The following ARNT variants were observed in gnomAD, a reference collection of about 807,000 sequenced individuals.
ARNT encodes the protein class E basic helix-loop-helix protein 2.
Under a neutral mutation model 105.0 loss-of-function variants are expected in ARNT, and 30 were observed. The ratio of observed to expected loss-of-function variants is 0.29; its 90% CI spans 0.21 to 0.39. The LOEUF is 0.39. Ranked by LOEUF, ARNT falls within the 10% of genes least tolerant of loss-of-function variation. ARNT has a pLI of 1.00. For missense variants in ARNT, 748 were observed against 978.7 expected (o/e 0.76, Z 3.15); for synonymous variants, 304 against 344.0 (o/e 0.88, Z 1.29).
intron 2 of ARNT, among the ~76,000 whole-genome samples, chr1:150,856,350 G>A (rs1378394588): frequency 1.3e-5 from 2 of 152,134 alleles, no homozygotes; most frequent in African/African-American, 4.8e-5. Context: ...TGAGACAGGA[G>A]AATGGCGTGA....
At chr1:150,847,905 T>C (rs926612628) in intron 3 of ARNT, among the ~76,000 whole-genome samples, 4 of 152,200 alleles carry the variant, frequency 2.6e-5, no homozygotes, top group African/African-American at 9.7e-5. Flanking sequence ...TCAAGAGTAT[T>C]TGGCAAAGTT....
Position 150,840,845 on chromosome 1 carries a change from T to G in ARNT, c.273-1191A>C, listed in dbSNP as rs751252734. On this transcript the variant is annotated intron_variant, in intron 5 of 21. Transcript: ENST00000358595. Reference sequence around the variant, plus strand: ...CCAACAGGAATTTTTAAAAGCCCATTAAGTTTCTCAGTGTCCTCCATGGGG... The same window carrying G: ...CCAACAGGAATTTTTAAAAGCCCATGAAGTTTCTCAGTGTCCTCCATGGGG... 9.9e-4 allele frequency among the ~76,000 whole-genome samples: 150 copies of G among 152,092 alleles called. 5 individuals carry two copies. Among genetic ancestry groups the G allele is most frequent in the South Asian group, 8.3e-4 (4 of 4,822 alleles).
intron 2 of ARNT, among the ~76,000 whole-genome samples, chr1:150,855,625 G>A (rs945282232): frequency 6.6e-6 from 1 of 151,814 alleles, no homozygotes; most frequent in Non-Finnish European, 1.5e-5. Context: ...TAAAGGGCCA[G>A]GTACAGTAGG....
intron 8 of ARNT, among the ~76,000 whole-genome samples, chr1:150,833,882 A>G (rs1659788903): frequency 6.6e-6 from 1 of 151,940 alleles, no homozygotes; most frequent in African/African-American, 2.4e-5. Flanking sequence ...GAATTAAAAC[A>G]AAATCCTGTA....
intron 2 of ARNT, among the ~76,000 whole-genome samples, chr1:150,856,649 G>A (rs1005161514): frequency 6.6e-6 from 1 of 152,028 alleles, no homozygotes; most frequent in Admixed American, 6.6e-5. Flanking sequence ...TGTAGTCCCA[G>A]CTGCTTGGGA....
At chr1:150,826,078 TA>T (rs1196037281) in intron 13 of ARNT, among the ~76,000 whole-genome samples, 19 of 151,968 alleles carry the variant, frequency 1.3e-4, no homozygotes, top group African/African-American at 4.3e-4. Flanking sequence ...CATACCAGGC[TA>T]ATTTTTTGTA....
At chr1:150,832,715 C>T (rs1248407450) in intron 8 of ARNT, among the ~76,000 whole-genome samples, 1 of 152,132 alleles carries the variant, frequency 6.6e-6, no homozygotes, top group Non-Finnish European at 1.5e-5. Flanking sequence ...TCAACTCTAG[C>T]ATTATAGCAT....
chr1:150,809,867 T>G lies in ARNT; in HGVS notation c.*2154A>C, dbSNP rs1203463530. On this transcript the variant is annotated 3_prime_UTR_variant, in exon 22 of 22. Transcript: ENST00000358595. ...CCCCACCTCATGGTCAGAGCATTCC[T>G]GCTGATGTTACTCAGAATGTGTCAG... 1 of 223,672 alleles carries G rather than the reference T, an allele frequency of 4.5e-6. No individual in the cohort carries two copies. The highest frequency in any genetic ancestry group is 8.9e-6 in the Non-Finnish European group (1 of 111,906). 13.9% of individuals were successfully genotyped at this position (223,672 alleles called of 1,614,324 possible).
intron 1 of ARNT, among the ~76,000 whole-genome samples, chr1:150,873,238 A>C (rs1275265399): frequency 6.6e-6 from 1 of 151,760 alleles, no homozygotes; most frequent in Non-Finnish European, 1.5e-5. Flanking sequence ...GCAGTGAGCC[A>C]AGATAGCACC....
Position 150,809,972 on chromosome 1 carries a change from A to C in ARNT, c.*2049T>G, listed in dbSNP as rs986433028. The C allele has an allele frequency of 5.8e-5, 13 of 225,448 alleles. No homozygotes were observed. In the East Asian group the frequency reaches 8.2e-4, roughly 14 times the overall value. 14.0% of individuals were successfully genotyped at this position (225,448 alleles called of 1,614,324 possible). ...TTCTGATTCCTGAAATTAAAGACAC[A>C]ATGTGCCTTATGTTTGTATGTCTGG... On this transcript the variant is annotated 3_prime_UTR_variant, in exon 22 of 22. Coordinates refer to ENST00000358595, the MANE Select transcript of ARNT (RefSeq NM_001668.4).
chr1:150,862,694 A>G (rs767814140), intron 1 of ARNT, among the ~76,000 whole-genome samples: 1 of 134,476 alleles, frequency 7.4e-6, no homozygotes, highest in Non-Finnish European at 1.5e-5. Flanking sequence ...TGAGCAACAT[A>G]GTGAGATCCT....
Position 150,842,144 on chromosome 1 carries a change from G to A in ARNT, c.272+280C>T, listed in dbSNP as rs769991426. The A allele has an allele frequency of 6.9e-6, 3 of 436,122 alleles. No homozygotes were observed. In the South Asian group the frequency reaches 2.9e-4, roughly 42 times the overall value. 27.0% of individuals were successfully genotyped at this position (436,122 alleles called of 1,614,324 possible). A position where few individuals can be genotyped will look rare whatever the true frequency, so the allele number is the denominator to read the frequency against. ...GTTGCATTCCTTCTAAGAGCTTTTTGTTCTGTGAAACTTAGTACTGACATA... is the reference window on the plus strand; with the variant it reads ...GTTGCATTCCTTCTAAGAGCTTTTTATTCTGTGAAACTTAGTACTGACATA... On this transcript the variant is annotated intron_variant, in intron 5 of 21. Transcript: ENST00000358595.
At chr1:150,816,238 C>T in intron 19 of ARNT, 21 bp downstream of exon 19, 33 of 1,589,138 alleles carry the variant, frequency 2.1e-5, no homozygotes, top group Non-Finnish European at 2.7e-5. Flanking sequence ...ACACAGGGAA[C>T]ACACAGATGA....
chr1:150,838,802 C>T (rs1660768916), intron 6 of ARNT, among the ~76,000 whole-genome samples: 1 of 152,196 alleles, frequency 6.6e-6, no homozygotes, highest in Admixed American at 6.5e-5. Context: ...ATTCTATTCA[C>T]TTTAGCCATC....
At chr1:150,833,536 T>C (rs962099356) in intron 8 of ARNT, among the ~76,000 whole-genome samples, 1 of 152,000 alleles carries the variant, frequency 6.6e-6, no homozygotes, top group African/African-American at 2.4e-5. Context: ...CTAAACCACA[T>C]AATGTTCAAT....
intron 3 of ARNT, among the ~76,000 whole-genome samples, chr1:150,846,783 C>T (rs903195088): frequency 6.6e-6 from 1 of 152,116 alleles, no homozygotes; most frequent in South Asian, 2.1e-4. Context: ...TTCTCCTTCA[C>T]CCCAACCCCT....
At chr1:150,858,830 C>T (rs1490890919) in intron 1 of ARNT, among the ~76,000 whole-genome samples, 2 of 150,700 alleles carry the variant, frequency 1.3e-5, no homozygotes, top group African/African-American at 4.9e-5. Context: ...GATATGTTGC[C>T]CAGGCTGGTC....
Position 150,839,645 on chromosome 1 carries a change from G to A in ARNT, c.282C>T (p.His94=), listed in dbSNP as rs1209016957. 1.9e-6 allele frequency: 3 copies of A among 1,613,400 alleles called. No homozygotes were observed. In the African/African-American group the frequency reaches 4.0e-5, roughly 22 times the overall value. The change falls in exon 6 of 22, where the codon CAC becomes CAT. Residue 94 remains histidine, a synonymous_variant. Transcript: ENST00000358595. ...ADKERLAREN[H]SEIERRRRNK... ...TCCGTCGCCGCCGTTCAATTTCACT[G>A]TGATTTTCCCTGCATGGAAAGAAAG...
At chr1:150,869,249 G>A (rs1667083408) in intron 1 of ARNT, among the ~76,000 whole-genome samples, 1 of 152,170 alleles carries the variant, frequency 6.6e-6, no homozygotes, top group Non-Finnish European at 1.5e-5. Flanking sequence ...AGGCTGAGGT[G>A]GGCGGATCAC....
Sources: allele counts gnomAD v4.1 joint callset (sites outside exome capture counted in the v4.1 genomes callset), GRCh38; gene constraint gnomAD v4.1.1; transcripts MANE v1.5; gene names NCBI Gene and HGNC (gene_info 2026-07-23, HGNC 2026-07-21).